Variants in CCDC33 observed in about 807,000 individuals in gnomAD.
The protein encoded by CCDC33 is coiled-coil domain containing 33.
CCDC33 carries 94 observed loss-of-function variants against 91.9 expected under a neutral mutation model. That is an observed-to-expected ratio of 1.02 (90% confidence interval 0.87 to 1.21). The LOEUF is 1.21. Among genes scored for constraint, CCDC33 ranks in the 50% most tolerant of loss-of-function variants. The pLI, the probability that CCDC33 is intolerant of heterozygous loss-of-function variation, is 0.00. For missense variants in CCDC33, 940 were observed against 935.5 expected (o/e 1.00, Z -0.06); for synonymous variants, 396 against 374.5 (o/e 1.06, Z -0.66).
At chr15:74,204,792 G>A (rs553348213) in intron 1 of CCDC33, among the ~76,000 whole-genome samples, 12 of 152,188 alleles carry the variant, frequency 7.9e-5, no homozygotes, top group African/African-American at 1.7e-4. Context: ...AAAATTAGCC[G>A]GACGTGGTGG....
intron 10 of CCDC33, among the ~76,000 whole-genome samples, chr15:74,283,487 A>G (rs1440228914): frequency 6.6e-6 from 1 of 152,240 alleles, no homozygotes; most frequent in Non-Finnish European, 1.5e-5. Flanking sequence ...AAAGGTCTCC[A>G]GTAATGAATT....
At chr15:74,232,848 C>G (rs2075025020), upstream of CCDC33, among the ~76,000 whole-genome samples, 1 of 151,854 alleles carries the variant, frequency 6.6e-6, no homozygotes, top group Non-Finnish European at 1.5e-5. Context: ...GAGTTCTCCC[C>G]CACTGGAATG....
At position 74,318,704 on chromosome 15, in the gene CCDC33, C is replaced by T. The variant is rs78694965; in HGVS notation, c.1291-11485C>T. The T allele has an allele frequency of 3.7e-3, 2,675 of 731,828 alleles. 73 individuals carry two copies. In the East Asian group the frequency reaches 0.065, roughly 18 times the overall value. 45.3% of individuals were successfully genotyped at this position (731,828 alleles called of 1,614,324 possible). A position where few individuals can be genotyped will look rare whatever the true frequency, so the allele number is the denominator to read the frequency against. On this transcript the variant is annotated intron_variant, in intron 11 of 18. Coordinates refer to ENST00000398814, the MANE Select transcript of CCDC33 (RefSeq NM_025055.5). Reference sequence around the variant, plus strand: ...CTGGTTCTGGGAAGATGGGTTGGCTCGCCTAGCAGCAGGTGTGTTGGGGTG... The same window carrying T: ...CTGGTTCTGGGAAGATGGGTTGGCTTGCCTAGCAGCAGGTGTGTTGGGGTG...
intron 11 of CCDC33, among the ~76,000 whole-genome samples, chr15:74,312,469 G>A (rs540007905): frequency 1.1e-4 from 17 of 152,226 alleles, no homozygotes; most frequent in Non-Finnish European, 1.9e-4. Context: ...TTGTGCTACC[G>A]GCTGCAGATC....
chr15:74,293,371 G>A (rs2059620816), intron 10 of CCDC33, among the ~76,000 whole-genome samples: 1 of 152,184 alleles, frequency 6.6e-6, no homozygotes, highest in Non-Finnish European at 1.5e-5. Context: ...TCTTTGCCCT[G>A]TATTTATGCT....
Position 74,330,233 on chromosome 15 carries a change from C to T in CCDC33, c.1335C>T (p.Asp445=). ...GGGCCATGCAGAAGATGGCAGAGGA[C>T]ATCCTGTCTCTGCGGAGACAGGCCA... is the stretch of plus-strand genomic sequence containing the variant. ...YRRAMQKMAE[D]ILSLRRQASI... The change falls in exon 12 of 19, where the codon GAC becomes GAT. Residue 445 remains aspartate (D), a synonymous_variant. Transcript: ENST00000398814. 1 of 1,612,806 alleles carries T rather than the reference C, an allele frequency of 6.2e-7. No homozygotes were observed. Among genetic ancestry groups the T allele is most frequent in the South Asian group, 1.1e-5 (1 of 91,004 alleles).
At chr15:74,251,969 G>A (rs1377759133) in intron 2 of CCDC33, among the ~76,000 whole-genome samples, 1 of 152,162 alleles carries the variant, frequency 6.6e-6, no homozygotes, top group South Asian at 2.1e-4. Context: ...TCGCCACCCA[G>A]TCCTATAATT....
chr15:74,211,155 A>G (rs1453827789), intron 2 of CCDC33, among the ~76,000 whole-genome samples: 5 of 1,078 alleles, frequency 4.6e-3, no homozygotes, highest in African/African-American at 4.9e-3. Flanking sequence ...ACGCACACGC[A>G]CACACACACA....
intron 1 of CCDC33, among the ~76,000 whole-genome samples, chr15:74,239,186 A>G (rs748629396): frequency 3.3e-5 from 5 of 151,940 alleles, no homozygotes; most frequent in Non-Finnish European, 7.4e-5. Context: ...CGGCCCTTCT[A>G]GAGGGCAGAA....
At chr15:74,230,221 C>G (rs1181360282) in intron 2 of CCDC33, among the ~76,000 whole-genome samples, 1 of 152,110 alleles carries the variant, frequency 6.6e-6, no homozygotes, top group Non-Finnish European at 1.5e-5. Flanking sequence ...AGAGGAGGGC[C>G]TTGGTCAGAT....
At chr15:74,328,744 A>G (rs1317933964) in intron 11 of CCDC33, among the ~76,000 whole-genome samples, 1 of 152,174 alleles carries the variant, frequency 6.6e-6, no homozygotes, top group East Asian at 1.9e-4. Context: ...ATGGCCTGCC[A>G]TGCAGCAGGT....
chr15:74,251,848 A>C (rs191992913), intron 2 of CCDC33, among the ~76,000 whole-genome samples: 1 of 152,180 alleles, frequency 6.6e-6, no homozygotes, highest in African/African-American at 2.4e-5. Flanking sequence ...AAGTAGGACA[A>C]TTGTTTGAAA....
At chr15:74,323,685 G>A (rs1323546054) in intron 11 of CCDC33, among the ~76,000 whole-genome samples, 1 of 151,214 alleles carries the variant, frequency 6.6e-6, no homozygotes, top group Non-Finnish European at 1.5e-5. Flanking sequence ...CCGCCACCAC[G>A]CCCGGCTATT....
intron 11 of CCDC33, 78 bp downstream of exon 11, chr15:74,296,026 G>T (rs2059679978): frequency 3.8e-6 from 5 of 1,311,468 alleles, no homozygotes; most frequent in Non-Finnish European, 2.1e-6. Context: ...CCATCTGCAG[G>T]ACTGCTTCAT....
At chr15:74,261,383 C>A (rs1017266641) in intron 2 of CCDC33, among the ~76,000 whole-genome samples, 1 of 152,178 alleles carries the variant, frequency 6.6e-6, no homozygotes, top group African/African-American at 2.4e-5. Context: ...CTGGGAAGAA[C>A]CATGTTGGTA....
chr15:74,298,187 G>T (rs189909411), intron 11 of CCDC33, among the ~76,000 whole-genome samples: 153 of 152,318 alleles, frequency 1.0e-3, no homozygotes, highest in African/African-American at 3.6e-3. Context: ...CCATGGATTT[G>T]TCTGTGGGAA....
At chr15:74,281,897 G>T (rs746487605) in intron 10 of CCDC33, 48 bp downstream of exon 10, 1 of 1,525,320 alleles carries the variant, frequency 6.6e-7, no homozygotes, top group Non-Finnish European at 9.1e-7. Flanking sequence ...GCACATGTCA[G>T]TGAGATCCAA....
intron 1 of CCDC33, among the ~76,000 whole-genome samples, chr15:74,204,107 G>A (rs2074197328): frequency 1.3e-5 from 2 of 152,196 alleles, no homozygotes; most frequent in South Asian, 2.1e-4. Flanking sequence ...GGGCTCTGTT[G>A]CTCTCCACCA....
rs1417155344 is a variant in CCDC33 at position 74,316,241 on chromosome 15, C to T, written c.1291-13948C>T. Among the ~76,000 whole-genome samples the T allele has an allele frequency of 1.3e-5, 2 of 152,180 alleles. No homozygotes were observed. Among genetic ancestry groups the T allele is most frequent in the Non-Finnish European group, 2.9e-5 (2 of 68,034 alleles). ...GGCTTCCCTCCCTCTCAGCAGCCCA[C>T]ACTTGTTCTATGTCCGGTGATGGGT... On this transcript the variant is annotated intron_variant, in intron 11 of 18. Transcript: ENST00000398814. This position sits in a 1 kb window ranked among gnomAD's most constrained non-coding sequence, Gnocchi z 4.7.
Sources: gnomAD v4.1 joint callset for allele counts (sites outside exome capture counted in the v4.1 genomes callset) on GRCh38, gnomAD v4.1.1 for gene constraint, Gnocchi (gnomAD v3.1) non-coding constraint, MANE v1.5 for transcripts, NCBI Gene and HGNC (gene_info 2026-07-23, HGNC 2026-07-21) for gene names.